The following EPB41 variants were observed in gnomAD, a reference collection of about 807,000 sequenced individuals.
The protein encoded by EPB41 is protein 4.1.
Under a neutral mutation model 108.0 loss-of-function variants are expected in EPB41, and 65 were observed. The ratio of observed to expected loss-of-function variants is 0.60; its 90% CI spans 0.49 to 0.74. The LOEUF (loss-of-function observed/expected upper bound fraction) is 0.74, where lower values mean the gene tolerates loss of function less well. Among genes scored for constraint, EPB41 ranks in the 30% least tolerant of loss-of-function variants. The pLI is 0.00. For missense variants in EPB41, 875 were observed against 1,037.0 expected, an observed-to-expected ratio of 0.84 and a Z score of 2.15; for synonymous variants, 336 against 358.9, an observed-to-expected ratio of 0.94 and a Z score of 0.72.
At chr1:29,102,925 A>C (rs1665932465) in intron 17 of EPB41, among the ~76,000 whole-genome samples, 1 of 152,036 alleles carries the variant, frequency 6.6e-6, no homozygotes, top group South Asian at 2.1e-4. Context: ...GGCACCCACC[A>C]CCACACCCAG....
intron 1 of EPB41, among the ~76,000 whole-genome samples, chr1:28,944,590 G>T (rs2094428754): frequency 7.8e-6 from 1 of 127,458 alleles, no homozygotes; most frequent in Non-Finnish European, 1.6e-5. Flanking sequence ...AGGCTGGAAT[G>T]CAGTGGTGCC....
chr1:29,046,609 A>G lies in EPB41; in HGVS notation c.1637-6495A>G, dbSNP rs145020279. 3.8e-3 allele frequency among the ~76,000 whole-genome samples: 583 copies of G among 152,304 alleles called. 6 individuals are homozygous for G. The highest frequency in any genetic ancestry group is 0.013 in the African/African-American group (539 of 41,564). On this transcript the variant is annotated intron_variant, in intron 11 of 20. Coordinates refer to ENST00000343067, the MANE Select transcript of EPB41 (RefSeq NM_001376013.1). ...GTCCAATGTAATGCTGAATACAAGC[A>G]TTAATAACTATCATCTTTCCCAATT...
rs1639210126 is a variant in EPB41, at chr1:29,035,762, A to G, written c.1366-64A>G. On this transcript the variant is annotated intron_variant, in intron 9 of 20. Coordinates refer to ENST00000343067, the MANE Select transcript of EPB41 (RefSeq NM_001376013.1). ...CACCATATTTCTCTGGTACTGTATC[A>G]CTGTAATCTGGTACTGTATCACATG... is the stretch of plus-strand genomic sequence containing the variant. The G allele has an allele frequency of 2.6e-6, 3 of 1,172,310 alleles. No homozygotes were observed. In the African/African-American group the frequency reaches 4.5e-5, roughly 18 times the overall value. 72.6% of individuals were successfully genotyped at this position (1,172,310 alleles called of 1,614,324 possible).
chr1:29,030,384 T>C lies in EPB41; in HGVS notation c.1125-16T>C. On this transcript the variant is annotated splice_polypyrimidine_tract_variant and intron_variant, in intron 7 of 20. Transcript: ENST00000343067. ...CTATAACACTGAAAGAATTTTATGTTTTTATTCTATCAAAGGTCCATGACT... is the reference window on the plus strand; with the variant it reads ...CTATAACACTGAAAGAATTTTATGTCTTTATTCTATCAAAGGTCCATGACT... 6.2e-7 allele frequency: 1 copy of C among 1,609,064 alleles called. No individual in the cohort carries two copies. The highest frequency in any genetic ancestry group is 1.1e-5 in the South Asian group (1 of 90,946).
At chr1:29,075,080 C>T (rs535657784) in intron 16 of EPB41, among the ~76,000 whole-genome samples, 78 of 144,336 alleles carry the variant, frequency 5.4e-4, no homozygotes, top group African/African-American at 1.9e-3. Flanking sequence ...TGACATGAAC[C>T]TGGGAGGCGG....
At chr1:28,920,618 G>A (rs1157240366) in intron 1 of EPB41, among the ~76,000 whole-genome samples, 1 of 152,112 alleles carries the variant, frequency 6.6e-6, no homozygotes, top group East Asian at 1.9e-4. Context: ...TTAGAGCACA[G>A]GATTATTTTA....
chr1:28,929,367 G>A (rs1412218367), intron 1 of EPB41, among the ~76,000 whole-genome samples: 11 of 147,084 alleles, frequency 7.5e-5, no homozygotes, highest in African/African-American at 2.5e-4. Flanking sequence ...CTGGAACTAC[G>A]GGTGCCTGCC....
chr1:28,891,991 G>A (rs2090160549), intron 1 of EPB41, among the ~76,000 whole-genome samples: 1 of 150,838 alleles, frequency 6.6e-6, no homozygotes, highest in African/African-American at 2.4e-5. Flanking sequence ...TACTCGGGAT[G>A]CTGAGGCAGG....
chr1:29,059,557 C>T (rs955471538), intron 14 of EPB41, among the ~76,000 whole-genome samples: 1 of 152,032 alleles, frequency 6.6e-6, no homozygotes, highest in African/African-American at 2.4e-5. Flanking sequence ...AAGAGGATCC[C>T]TTGAGCCCAG....
chr1:29,063,572 A>G (rs895166217), intron 15 of EPB41, among the ~76,000 whole-genome samples: 6 of 152,352 alleles, frequency 3.9e-5, no homozygotes, highest in African/African-American at 1.4e-4. Flanking sequence ...TTACCCTCAG[A>G]AAAAACTTTT....
intron 3 of EPB41, among the ~76,000 whole-genome samples, chr1:28,995,292 G>A (rs909454548): frequency 2.0e-5 from 3 of 152,090 alleles, no homozygotes; most frequent in African/African-American, 7.2e-5. Context: ...GGCCGGGCAC[G>A]GTGGCTCATG....
At chr1:28,993,708 G>A (rs2096082898) in intron 3 of EPB41, among the ~76,000 whole-genome samples, 166 bp downstream of exon 3, 1 of 149,310 alleles carries the variant, frequency 6.7e-6, no homozygotes, top group Non-Finnish European at 1.5e-5. Flanking sequence ...CCAGGCTGGA[G>A]TGCAGTGGCA....
At chr1:29,007,191 A>T (rs1159986405) in intron 4 of EPB41, among the ~76,000 whole-genome samples, 2 of 152,136 alleles carry the variant, frequency 1.3e-5, no homozygotes, top group Non-Finnish European at 2.9e-5. Flanking sequence ...TCCCTGGCTC[A>T]AGCGATCCTC....
At chr1:28,946,235 G>A (rs565076190) in intron 1 of EPB41, among the ~76,000 whole-genome samples, 12 of 147,662 alleles carry the variant, frequency 8.1e-5, no homozygotes, top group Non-Finnish European at 1.0e-4. Flanking sequence ...TCGCTCTTTC[G>A]CCCAGCCTGG....
chr1:28,950,030 G>A (rs2094647002), intron 1 of EPB41, among the ~76,000 whole-genome samples: 1 of 152,092 alleles, frequency 6.6e-6, no homozygotes, highest in South Asian at 2.1e-4. Context: ...CCTGATAATA[G>A]ACATTGCAGT....
chr1:29,033,006 G>A (rs1202741200), intron 8 of EPB41, 87 bp from the exon 9 acceptor site: 2 of 1,286,618 alleles, frequency 1.6e-6, no homozygotes, highest in South Asian at 1.2e-5. Flanking sequence ...ACTGTTTTTG[G>A]TTGTTATCTT....
chr1:29,026,851 T>A (rs2096725361), intron 7 of EPB41, among the ~76,000 whole-genome samples: 1 of 149,554 alleles, frequency 6.7e-6, no homozygotes, highest in African/African-American at 2.4e-5. Context: ...CCCAGCACTT[T>A]GGGAGGCTGA....
chr1:28,936,953 T>C (rs1309540613), intron 1 of EPB41, among the ~76,000 whole-genome samples: 2 of 152,230 alleles, frequency 1.3e-5, no homozygotes, highest in Non-Finnish European at 2.9e-5. Flanking sequence ...CTGGATCATA[T>C]GTAATTCTAT....
intron 1 of EPB41, among the ~76,000 whole-genome samples, chr1:28,980,797 T>G (rs77782405): frequency 6.7e-6 from 1 of 148,508 alleles, no homozygotes; most frequent in Non-Finnish European, 1.5e-5. Context: ...TCCAGGAGTT[T>G]TTTTTTTTTT....
Sources: allele counts gnomAD v4.1 joint callset (sites outside exome capture counted in the v4.1 genomes callset), GRCh38; gene constraint gnomAD v4.1.1; transcripts MANE v1.5; gene names NCBI Gene and HGNC (gene_info 2026-07-23, HGNC 2026-07-21).